OSBPL8: variants seen among roughly 807,000 people sequenced by gnomAD.
OSBPL8 encodes oxysterol binding protein like 8, also known as oxysterol-binding protein-related protein 8.
A neutral mutation model predicts 125.5 loss-of-function variants in OSBPL8; 59 were observed. The observed-to-expected ratio is 0.47, with a 90% CI of 0.38 to 0.58. The LOEUF is 0.58. OSBPL8 is among the 20% of genes least tolerant of loss of function. The pLI, the probability that OSBPL8 is intolerant of heterozygous loss-of-function variation, is 0.00. For missense variants in OSBPL8, 758 were observed against 1,047.8 expected, an observed-to-expected ratio of 0.72 and a Z score of 3.82; for synonymous variants, 330 against 338.9, an observed-to-expected ratio of 0.97 and a Z score of 0.29.
chr12:76,508,079 G>A (rs777611521), intron 1 of OSBPL8, among the ~76,000 whole-genome samples: 2 of 150,856 alleles, frequency 1.3e-5, no homozygotes, highest in Non-Finnish European at 2.9e-5. Flanking sequence ...GCTGAGGCAG[G>A]GGAATCGCTT....
chr12:76,474,194 C>T (rs969056869), intron 2 of OSBPL8, among the ~76,000 whole-genome samples: 1 of 152,058 alleles, frequency 6.6e-6, no homozygotes, highest in Non-Finnish European at 1.5e-5. Flanking sequence ...ATTTAAAAAA[C>T]ATAAAAATTT....
chr12:76,370,016 A>G (rs533008260), intron 19 of OSBPL8, among the ~76,000 whole-genome samples, 194 bp from the exon 20 acceptor site: 2 of 152,310 alleles, frequency 1.3e-5, no homozygotes, highest in Non-Finnish European at 2.9e-5. Context: ...AGACCTGTTC[A>G]TAAGTGGAGA....
chr12:76,533,904 T>C (rs1184568763), intron 1 of OSBPL8, among the ~76,000 whole-genome samples: 1 of 151,964 alleles, frequency 6.6e-6, no homozygotes, highest in Non-Finnish European at 1.5e-5. Context: ...GAAGATAAAA[T>C]CTCTATCTAG....
intron 22 of OSBPL8, among the ~76,000 whole-genome samples, chr12:76,357,316 G>A (rs1952023277): frequency 6.6e-6 from 1 of 152,138 alleles, no homozygotes; most frequent in African/African-American, 2.4e-5. Flanking sequence ...GTTGTAAGGT[G>A]TATTTAACAT....
In OSBPL8 at chr12:76,553,498, T is replaced by TAA. The variant is rs34303965; in HGVS notation, c.-68+5897_-68+5898dup. 4.8e-3 allele frequency among the ~76,000 whole-genome samples: 659 copies of TAA among 136,024 alleles called. 3 individuals are homozygous for TAA. Among genetic ancestry groups the TAA allele is most frequent in the South Asian group, 0.014 (59 of 4,262 alleles). 89.2% of individuals were successfully genotyped at this position (136,024 alleles called of 152,430 possible). A position where few individuals can be genotyped will look rare whatever the true frequency, so the allele number is the denominator to read the frequency against. Reference sequence around the variant, plus strand: ...GGGCAACATAGTGAGACTCTGTTTCTAAAAAAAAAAAAAAAAACTTAAAAA... The same window carrying TAA: ...GGGCAACATAGTGAGACTCTGTTTCTAAAAAAAAAAAAAAAAAAACTTAAAAA... On this transcript the variant is annotated intron_variant, in intron 1 of 23. Transcript: ENST00000261183.
chr12:76,547,936 C>A (rs1024701875), intron 1 of OSBPL8, among the ~76,000 whole-genome samples: 1 of 152,092 alleles, frequency 6.6e-6, no homozygotes, highest in African/African-American at 2.4e-5. Flanking sequence ...GACCAAGCGG[C>A]ATAAAGGCAC....
At chr12:76,389,107 T>A (rs773011547) in intron 12 of OSBPL8, among the ~76,000 whole-genome samples, 1 of 152,184 alleles carries the variant, frequency 6.6e-6, no homozygotes, top group Non-Finnish European at 1.5e-5. Flanking sequence ...CTCCTCTGCC[T>A]CCTTTAGGTG....
chr12:76,412,001 G>A (rs991113176), intron 4 of OSBPL8, among the ~76,000 whole-genome samples: 1 of 152,074 alleles, frequency 6.6e-6, no homozygotes, highest in Non-Finnish European at 1.5e-5. Context: ...TCTACACGGA[G>A]GAATTCTAAT....
At chr12:76,429,431 C>G (rs1359725038) in intron 4 of OSBPL8, among the ~76,000 whole-genome samples, 1 of 151,652 alleles carries the variant, frequency 6.6e-6, no homozygotes, top group Non-Finnish European at 1.5e-5. Flanking sequence ...TATATGTTGA[C>G]TGAAACACAG....
intron 13 of OSBPL8, 64 bp from the exon 14 acceptor site, chr12:76,386,330 T>C: frequency 6.6e-7 from 1 of 1,515,016 alleles, no homozygotes; most frequent in South Asian, 1.3e-5. Flanking sequence ...TAGTTTAAAC[T>C]AGTCAAAATG....
intron 3 of OSBPL8, among the ~76,000 whole-genome samples, chr12:76,459,031 C>T (rs78166133): frequency 0.027 from 4,050 of 152,230 alleles, 87 homozygotes; most frequent in Middle Eastern, 0.048. Context: ...TTTAGTTACA[C>T]TTGAATGCAG....
intron 5 of OSBPL8, among the ~76,000 whole-genome samples, chr12:76,404,200 C>A (rs538000634): frequency 6.6e-6 from 1 of 152,210 alleles, no homozygotes; most frequent in East Asian, 1.9e-4. Context: ...ATTCCTCAAG[C>A]CAAACAGGTT....
intron 4 of OSBPL8, chr12:76,422,402 T>C (rs754940025): frequency 2.6e-5 from 10 of 384,588 alleles, no homozygotes; most frequent in Non-Finnish European, 4.6e-5. Flanking sequence ...AAGCTTTCAC[T>C]ACAGAATTGT....
intron 1 of OSBPL8, among the ~76,000 whole-genome samples, chr12:76,549,884 T>C (rs1950886520): frequency 6.6e-6 from 1 of 152,088 alleles, no homozygotes; most frequent in Non-Finnish European, 1.5e-5. Flanking sequence ...CAAAGAGTTA[T>C]TTGAAGATGT....
chr12:76,469,018 G>A lies in OSBPL8; in HGVS notation c.43-9123C>T, dbSNP rs1214392552. Reference sequence around the variant, plus strand: ...TCTAGCACAATCTTACCTTTCCCTAGCTCACCTAACACTGACCACACCTCT... The same window carrying A: ...TCTAGCACAATCTTACCTTTCCCTAACTCACCTAACACTGACCACACCTCT... On this transcript the variant is annotated intron_variant, in intron 2 of 23. Transcript: ENST00000261183. Among the ~76,000 whole-genome samples, 4 of 152,222 alleles carry A rather than the reference G, an allele frequency of 2.6e-5. No individual in the cohort carries two copies. In the East Asian group the frequency reaches 7.7e-4, roughly 29 times the overall value.
intron 1 of OSBPL8, among the ~76,000 whole-genome samples, chr12:76,524,539 C>T (rs933028868): frequency 1.3e-5 from 2 of 152,000 alleles, no homozygotes; most frequent in East Asian, 1.9e-4. Context: ...GAAAGTGTTG[C>T]TTTTGTTTTA....
In OSBPL8 at chr12:76,407,030, A is replaced by G. The variant is rs575681459; in HGVS notation, c.288+3534T>C. Among the ~76,000 whole-genome samples the G allele has an allele frequency of 7.9e-5, 12 of 152,328 alleles. No homozygotes were observed. In the East Asian group the frequency reaches 2.1e-3, roughly 27 times the overall value. On this transcript the variant is annotated intron_variant, in intron 5 of 23. Coordinates refer to ENST00000261183, the MANE Select transcript of OSBPL8 (RefSeq NM_020841.5). ...CCTAAAATCCTGTGACCAAAATGAG[A>G]GTATTCATATTTTTTGCATCAAGTT...
intron 4 of OSBPL8, among the ~76,000 whole-genome samples, chr12:76,420,536 G>A (rs773013049): frequency 1.3e-5 from 2 of 151,912 alleles, no homozygotes; most frequent in African/African-American, 2.4e-5. Context: ...TTATGCTGAC[G>A]TATTTATTAA....
At chr12:76,483,461 G>A (rs899096718) in intron 2 of OSBPL8, among the ~76,000 whole-genome samples, 2 of 150,916 alleles carry the variant, frequency 1.3e-5, no homozygotes, top group African/African-American at 4.9e-5. Flanking sequence ...CTACTCGGGA[G>A]GCTGAGGCAG....
Sources: gnomAD v4.1 joint callset for allele counts (sites outside exome capture counted in the v4.1 genomes callset) on GRCh38, gnomAD v4.1.1 for gene constraint, MANE v1.5 for transcripts, NCBI Gene and HGNC (gene_info 2026-07-23, HGNC 2026-07-21) for gene names.